The following SPTLC3 variants were observed in gnomAD, a reference collection of about 807,000 sequenced individuals.
SPTLC3 encodes serine palmitoyltransferase 3.
A neutral mutation model predicts 59.3 loss-of-function variants in SPTLC3; 36 were observed. The ratio of observed to expected loss-of-function variants is 0.61; its 90% CI spans 0.47 to 0.80. The LOEUF (loss-of-function observed/expected upper bound fraction) is 0.80, where lower values mean the gene tolerates loss of function less well. SPTLC3 is among the 30% of genes least tolerant of loss of function. SPTLC3 has a pLI of 0.00. For synonymous variants in SPTLC3, 257 were observed against 240.8 expected (o/e 1.07, Z -0.62); for missense variants, 625 against 685.1 (o/e 0.91, Z 0.98).
chr20:13,040,884 T>C (rs1236183692), intron 1 of SPTLC3, among the ~76,000 whole-genome samples: 2 of 151,944 alleles, frequency 1.3e-5, no homozygotes, highest in East Asian at 3.8e-4. Context: ...CTTCTTAAAA[T>C]ATTTGTGCAT....
chr20:13,123,164 C>A (rs565635182), intron 8 of SPTLC3, among the ~76,000 whole-genome samples: 1 of 152,094 alleles, frequency 6.6e-6, no homozygotes, highest in Non-Finnish European at 1.5e-5. Flanking sequence ...AACCCCATCT[C>A]TACTAAAAAT....
chr20:13,096,807 T>C lies in SPTLC3; in HGVS notation c.826+3230T>C, dbSNP rs574651596. ...AATATTATTATAATCATACAACATA[T>C]ATAAAATTAAAACCATTGCTCCAAT... On this transcript the variant is annotated intron_variant, in intron 6 of 11. Coordinates refer to ENST00000399002, the MANE Select transcript of SPTLC3 (RefSeq NM_018327.4). 3.7e-4 allele frequency among the ~76,000 whole-genome samples: 57 copies of C among 152,234 alleles called. No homozygotes were observed. The South Asian group carries it at 0.012, about 31-fold the overall frequency.
At position 13,110,113 on chromosome 20, in the gene SPTLC3, C is replaced by T. The variant is rs1990141796; in HGVS notation, c.828C>T (p.Asn276=). ...GATIRIFKHN[N]TQSLEKLLRD... ...TTTTTTTTTTGGTATTATTTAAAGA[C>T]ACACAAAGCCTAGAGAAGCTCCTGA... Residue 276 remains asparagine, a splice_region_variant and synonymous_variant, in exon 7 of 12, where the codon AAC becomes AAT. Transcript: ENST00000399002. 4 of 1,598,174 alleles carry T rather than the reference C, an allele frequency of 2.5e-6. No homozygotes were observed. Among genetic ancestry groups the T allele is most frequent in the Non-Finnish European group, 3.4e-6 (4 of 1,175,174 alleles).
At chr20:13,072,556 C>A in intron 3 of SPTLC3, 146 bp downstream of exon 3, 1 of 864,086 alleles carries the variant, frequency 1.2e-6, no homozygotes, top group Non-Finnish European at 1.7e-6. Context: ...CCTCCTGATG[C>A]CAGGGGAGGA....
In SPTLC3 at chr20:13,027,306, C is replaced by T. The variant is rs535786726; in HGVS notation, c.117+17922C>T. Among the ~76,000 whole-genome samples the T allele has an allele frequency of 6.6e-5, 10 of 152,312 alleles. No individual in the cohort carries two copies. In the South Asian group the frequency reaches 2.1e-3, roughly 32 times the overall value. ...TCCTTACGTCTGTACGTCCCTTTCA[C>T]ATCCAGGATCTCATTGTACCCTCAG... is the stretch of plus-strand genomic sequence containing the variant. On this transcript the variant is annotated intron_variant, in intron 1 of 11. Transcript: ENST00000399002.
chr20:13,145,744 A>G (rs910000638), intron 9 of SPTLC3, among the ~76,000 whole-genome samples: 2 of 152,230 alleles, frequency 1.3e-5, no homozygotes, highest in Admixed American at 1.3e-4. Context: ...ACACTATACT[A>G]CAAGGCTACA....
chr20:13,058,746 G>T (rs186175368), intron 2 of SPTLC3, among the ~76,000 whole-genome samples: 153 of 152,240 alleles, frequency 1.0e-3, no homozygotes, highest in African/African-American at 3.5e-3. Flanking sequence ...TTTGGGTGGG[G>T]CCAAGATTCT....
intron 9 of SPTLC3, among the ~76,000 whole-genome samples, chr20:13,138,915 T>G (rs550196044): frequency 6.6e-6 from 1 of 152,338 alleles, no homozygotes; most frequent in African/African-American, 2.4e-5. Context: ...TAGTTGAATC[T>G]CTCACTTAAA....
intron 2 of SPTLC3, among the ~76,000 whole-genome samples, chr20:13,066,799 C>A (rs1160530982): frequency 6.6e-6 from 1 of 151,576 alleles, no homozygotes; most frequent in African/African-American, 2.4e-5. Context: ...CCTCCTTAGT[C>A]TCCTTATTTC....
intron 2 of SPTLC3, among the ~76,000 whole-genome samples, chr20:13,067,057 A>G (rs76508874): frequency 3.3e-4 from 1 of 3,070 alleles, no homozygotes; most frequent in Non-Finnish European, 6.0e-4. Flanking sequence ...ATATATATAT[A>G]TATATATATA....
chr20:13,026,845 T>C (rs535791588), intron 1 of SPTLC3, among the ~76,000 whole-genome samples: 1 of 152,296 alleles, frequency 6.6e-6, no homozygotes, highest in Admixed American at 6.5e-5. Context: ...TCAGACACTG[T>C]TCTAGGAACT....
intron 4 of SPTLC3, among the ~76,000 whole-genome samples, chr20:13,087,292 T>C (rs528802056): frequency 1.3e-5 from 2 of 152,292 alleles, no homozygotes; most frequent in East Asian, 1.9e-4. Context: ...TTTGGAAAGA[T>C]TAACGGTGGA....
intron 1 of SPTLC3, among the ~76,000 whole-genome samples, chr20:13,031,427 C>T (rs773684985): frequency 3.9e-5 from 6 of 152,164 alleles, no homozygotes; most frequent in Non-Finnish European, 7.4e-5. Flanking sequence ...CACCATTTCA[C>T]CTGAACCTAG....
In SPTLC3 at chr20:13,126,577, C is replaced by T. The variant is rs2037997237; in HGVS notation, c.1153-14C>T. The T allele has an allele frequency of 1.9e-6, 3 of 1,612,486 alleles. No individual in the cohort carries two copies. Among genetic ancestry groups the T allele is most frequent in the Non-Finnish European group, 2.5e-6 (3 of 1,179,190 alleles). ...TTATTTGCCTTCTTTTTGGGTTTCCCCTCTTTATTTAAGGACCTCGTGGAT... is the reference window on the plus strand; with the variant it reads ...TTATTTGCCTTCTTTTTGGGTTTCCTCTCTTTATTTAAGGACCTCGTGGAT... On this transcript the variant is annotated splice_polypyrimidine_tract_variant and intron_variant, in intron 8 of 11. Transcript: ENST00000399002.
Position 13,117,523 on chromosome 20 carries a change from T to C in SPTLC3, c.950T>C (p.Val317Ala). 5 of 1,598,354 alleles carry C rather than the reference T, an allele frequency of 3.1e-6. No homozygotes were observed. The highest frequency in any genetic ancestry group is 1.7e-4 in the Middle Eastern group (1 of 5,960). Residue 317 changes from valine (V) to alanine (A), a missense_variant, in exon 8 of 12, where the codon GTG (valine) becomes GCG (alanine). Physicochemically the swap from Val to Ala is moderately conservative, Grantham distance 64. Coordinates refer to ENST00000399002, the MANE Select transcript of SPTLC3 (RefSeq NM_018327.4). ...EGVYSMEGSI[V>A]HLPQIIALKK... ...TGCCCTAGCATGGAAGGTTCCATCG[T>C]GCATCTGCCCCAGATCATAGCTCTA... is the stretch of plus-strand genomic sequence containing the variant.
chr20:13,162,611 A>G (rs887675098), intron 11 of SPTLC3, among the ~76,000 whole-genome samples: 95 of 152,356 alleles, frequency 6.2e-4, no homozygotes, highest in African/African-American at 2.2e-3. Flanking sequence ...CCACATTTGG[A>G]CAAGACAGAG....
rs756168140 is a variant in SPTLC3 at position 13,119,108 on chromosome 20, G to A, written c.1152+1383G>A. Among the ~76,000 whole-genome samples the A allele has an allele frequency of 2.0e-5, 3 of 152,228 alleles. No individual in the cohort carries two copies. In the South Asian group the frequency reaches 6.2e-4, roughly 32 times the overall value. Reference sequence around the variant, plus strand: ...CTAGACTGTCGAAGCAGTAGGAGCAGAGGGTCTCAAATTTAGGAGCTCCCT... The same window carrying A: ...CTAGACTGTCGAAGCAGTAGGAGCAAAGGGTCTCAAATTTAGGAGCTCCCT... On this transcript the variant is annotated intron_variant, in intron 8 of 11. Transcript: ENST00000399002.
intron 1 of SPTLC3, among the ~76,000 whole-genome samples, chr20:13,022,463 T>C (rs1328768424): frequency 1.3e-5 from 2 of 152,206 alleles, no homozygotes; most frequent in Non-Finnish European, 2.9e-5. Context: ...AAAGGAACAG[T>C]GAGGACAGCT....
chr20:13,164,374 G>A (rs1214337728), intron 11 of SPTLC3: 1 of 473,358 alleles, frequency 2.1e-6, no homozygotes, highest in Non-Finnish European at 4.4e-6. Flanking sequence ...GCTGTGTCAT[G>A]AAGATATAAC....
Sources: gnomAD v4.1 joint callset for allele counts (sites outside exome capture counted in the v4.1 genomes callset) on GRCh38, gnomAD v4.1.1 for gene constraint, MANE v1.5 for transcripts, NCBI Gene and HGNC (gene_info 2026-07-23, HGNC 2026-07-21) for gene names.